The following INO80 variants were observed in gnomAD, a reference collection of about 807,000 sequenced individuals.
INO80 encodes chromatin-remodeling ATPase INO80.
INO80 carries 20 observed loss-of-function variants against 203.4 expected under a neutral mutation model. The observed-to-expected ratio is 0.10, with a 90% CI of 0.07 to 0.14. INO80 has a LOEUF of 0.14. INO80 is among the 10% of genes least tolerant of loss of function. The probability of loss-of-function intolerance (pLI) is 1.00; values close to 1 mark genes in which losing one functional copy is unlikely to be tolerated. For missense variants in INO80, 1,419 were observed against 1,914.4 expected (o/e 0.74, Z 4.83); for synonymous variants, 726 against 685.2 (o/e 1.06, Z -0.93).
At chr15:41,079,584 A>C (rs1001067692) in intron 9 of INO80, 117 bp downstream of exon 9, 124 of 1,012,446 alleles carry the variant, frequency 1.2e-4, no homozygotes, top group East Asian at 2.9e-4. Context: ...CAAAAAAAAA[A>C]AAAAAACAAA....
intron 27 of INO80, among the ~76,000 whole-genome samples, chr15:41,011,293 G>C (rs2044130405): frequency 6.6e-6 from 1 of 152,092 alleles, no homozygotes; most frequent in African/African-American, 2.4e-5. Flanking sequence ...TATCCTTCTT[G>C]CTATCCTCAG....
At chr15:41,083,579 ACCTGTAGTCC>A (rs1353893871) in intron 7 of INO80, among the ~76,000 whole-genome samples, 1 of 150,820 alleles carries the variant, frequency 6.6e-6, no homozygotes, top group Non-Finnish European at 1.5e-5. Context: ...GACGGCGCGC[ACCTGTAGTCC>A]CAGCTACTCA....
Position 41,027,622 on chromosome 15 carries a change from A to T in INO80, c.3022T>A (p.Ser1008Thr). The T allele has an allele frequency of 6.2e-7, 1 of 1,613,428 alleles. No individual in the cohort carries two copies. The highest frequency in any genetic ancestry group is 8.5e-7 in the Non-Finnish European group (1 of 1,179,666). The change falls in exon 25 of 36, where the codon TCT becomes ACT. Residue 1008 changes from serine (S) to threonine (T), a missense_variant. Transcript: ENST00000648947. ...LRRCLLTELP[S>T]FLCVASPRVT... Reference sequence around the variant, plus strand: ...CGTGGACTGGCCACACACAAAAAAGATGGCAGCTCAGTGAGCAGGCAGCGA... The same window carrying T: ...CGTGGACTGGCCACACACAAAAAAGTTGGCAGCTCAGTGAGCAGGCAGCGA...
At chr15:41,018,973 CTCT>C (rs1348668338) in intron 26 of INO80, 8 of 152,236 alleles carry the variant, frequency 5.3e-5, no homozygotes, top group African/African-American at 1.9e-4. Context: ...CTATCCTACT[CTCT>C]TACAAACTTT....
chr15:41,073,310 A>G, intron 11 of INO80, 118 bp downstream of exon 11: 1 of 855,174 alleles, frequency 1.2e-6, no homozygotes, highest in South Asian at 1.4e-5. Context: ...CATATACACA[A>G]GCTAGTCTAT....
At chr15:41,056,825 T>C in intron 16 of INO80, 119 bp from the exon 17 acceptor site, 1 of 734,390 alleles carries the variant, frequency 1.4e-6, no homozygotes, top group Non-Finnish European at 2.4e-6. Flanking sequence ...AATCAAGTAC[T>C]CCATCATGTA....
chr15:41,021,645 T>C (rs2044296730), intron 25 of INO80, among the ~76,000 whole-genome samples: 1 of 152,250 alleles, frequency 6.6e-6, no homozygotes, highest in East Asian at 1.9e-4. Context: ...ACCAGGTTGC[T>C]GACTGACAAA....
chr15:41,024,988 T>C (rs905327340), intron 25 of INO80, among the ~76,000 whole-genome samples: 2 of 152,220 alleles, frequency 1.3e-5, no homozygotes, highest in Non-Finnish European at 2.9e-5. Flanking sequence ...TAAACTCTTC[T>C]TCCTGTCCTC....
In INO80 at chr15:41,083,239, C is replaced by G. The variant is rs1421774613; in HGVS notation, c.873+2130G>C. On this transcript the variant is annotated intron_variant, in intron 7 of 35. Transcript: ENST00000648947. ...GGCGGAGCTTGCAGTGAGCCGAGAT[C>G]GCACTCCAGCCTGGGCGACAAAGCC... Among the ~76,000 whole-genome samples, 191 of 141,892 alleles carry G rather than the reference C, an allele frequency of 1.3e-3. 1 individual carries two copies. The highest frequency in any genetic ancestry group is 2.0e-4 in the Non-Finnish European group (13 of 65,406). The allele number at this position is 141,892 out of a possible 152,430, so 93.1% of individuals were successfully genotyped here.
At position 41,058,553 on chromosome 15, in the gene INO80, G is replaced by GTC. The variant is rs756799690; in HGVS notation, c.1985+85_1985+86insGA. On this transcript the variant is annotated intron_variant, in intron 16 of 35. Coordinates refer to ENST00000648947, the MANE Select transcript of INO80 (RefSeq NM_017553.3). The stretch of plus-strand genomic sequence containing the variant: ...TGATTTTATTCATATATACAAGTCT[G>GTC]TGTGTGTGTGTGTGTGCGTGTGTGT... The GTC allele has an allele frequency of 1.7e-4, 105 of 622,802 alleles. No individual in the cohort carries two copies. The African/African-American group carries it at 2.8e-3, about 16-fold the overall frequency. The allele number at this position is 622,802 out of a possible 1,614,324, so 38.6% of individuals were successfully genotyped here.
intron 1 of INO80, among the ~76,000 whole-genome samples, chr15:41,100,200 G>C (rs373732174): frequency 3.0e-4 from 46 of 151,768 alleles, no homozygotes; most frequent in African/African-American, 1.1e-3. Context: ...TCAGCCTCCC[G>C]AGTAGCTGGG....
At chr15:41,084,798 G>A (rs2045535535) in intron 7 of INO80, among the ~76,000 whole-genome samples, 2 of 152,134 alleles carry the variant, frequency 1.3e-5, no homozygotes, top group South Asian at 4.1e-4. Flanking sequence ...AGAGTGCAGT[G>A]GTGCGATCTC....
chr15:41,078,157 C>T (rs1386793301), intron 9 of INO80, among the ~76,000 whole-genome samples: 1 of 152,086 alleles, frequency 6.6e-6, no homozygotes, highest in African/African-American at 2.4e-5. Context: ...CTCGGCCTCC[C>T]AAAGTGCTGA....
chr15:41,067,570 T>A (rs1333461374), intron 14 of INO80, among the ~76,000 whole-genome samples: 1 of 152,116 alleles, frequency 6.6e-6, no homozygotes, highest in African/African-American at 2.4e-5. Context: ...AAGCTATATA[T>A]CCTAACACTC....
intron 4 of INO80, among the ~76,000 whole-genome samples, chr15:41,095,133 G>A (rs934285804): frequency 2.6e-5 from 4 of 152,024 alleles, no homozygotes; most frequent in African/African-American, 9.7e-5. Flanking sequence ...GAGGTCAGGA[G>A]TTCGAGACCA....
At chr15:41,090,037 C>A (rs2045612207) in intron 5 of INO80, among the ~76,000 whole-genome samples, 1 of 152,142 alleles carries the variant, frequency 6.6e-6, no homozygotes, top group African/African-American at 2.4e-5. Context: ...ATCTTCATAC[C>A]ATCATTATTC....
At chr15:41,079,028 GC>G (rs1331182741) in intron 9 of INO80, among the ~76,000 whole-genome samples, 53 of 152,154 alleles carry the variant, frequency 3.5e-4, no homozygotes, top group Non-Finnish European at 6.3e-4. Context: ...TATAGTCCCA[GC>G]TACTCAGGAA....
rs182691829 is a variant in INO80 at position 41,109,015 on chromosome 15, C to T, written c.-44+6958G>A. 447 of 164,322 alleles carry T rather than the reference C, an allele frequency of 2.7e-3. 3 individuals are homozygous for T. The highest frequency in any genetic ancestry group is 0.012 in the South Asian group (75 of 6,238). The allele number at this position is 164,322 out of a possible 1,614,324, so 10.2% of individuals were successfully genotyped here. A position where few individuals can be genotyped will look rare whatever the true frequency, so the allele number is the denominator to read the frequency against. On this transcript the variant is annotated intron_variant, in intron 1 of 35. Transcript: ENST00000648947. ...AGGCTGTTGGATTCACTTACACAGA[C>T]GCCAATAAGAAAAAAAGCATTGCCT...
intron 27 of INO80, among the ~76,000 whole-genome samples, chr15:41,009,324 T>C (rs1160300078): frequency 6.6e-6 from 1 of 151,076 alleles, no homozygotes; most frequent in Non-Finnish European, 1.5e-5. Flanking sequence ...GCTGGTGCAC[T>C]GCACCCACTA....
Sources: gnomAD v4.1 joint callset for allele counts (sites outside exome capture counted in the v4.1 genomes callset) on GRCh38, gnomAD v4.1.1 for gene constraint, MANE v1.5 for transcripts, NCBI Gene and HGNC (gene_info 2026-07-23, HGNC 2026-07-21) for gene names.